NR5A2: variants seen among roughly 807,000 people sequenced by gnomAD.
NR5A2 encodes the protein nuclear receptor subfamily 5 group A member 2.
A neutral mutation model predicts 62.7 loss-of-function variants in NR5A2; 26 were observed. The ratio of observed to expected loss-of-function variants is 0.41; its 90% CI spans 0.30 to 0.58. The LOEUF (loss-of-function observed/expected upper bound fraction) is 0.58. Among genes scored for constraint, NR5A2 ranks in the 20% least tolerant of loss-of-function variants. NR5A2 has a pLI of 0.22. For synonymous variants in NR5A2, 246 were observed against 241.7 expected (o/e 1.02, Z -0.16); for missense variants, 541 against 669.1 (o/e 0.81, Z 2.11).
chr1:200,092,873 C>CTTT lies in NR5A2; in HGVS notation c.1111-18303_1111-18301dup, dbSNP rs869028679. On this transcript the variant is annotated intron_variant, in intron 5 of 7. Coordinates refer to ENST00000367362, the MANE Select transcript of NR5A2 (RefSeq NM_205860.3). ...ACATTGATATTACTAAAAGACAGGTCTTTTTTTTTTTTTTTTTTTTTTTTT... is the reference window on the plus strand; with the variant it reads ...ACATTGATATTACTAAAAGACAGGTCTTTTTTTTTTTTTTTTTTTTTTTTTTTT... Among the ~76,000 whole-genome samples the CTTT allele has an allele frequency of 1.2e-3, 79 of 64,246 alleles. 9 individuals are homozygous for CTTT. In the East Asian group the frequency reaches 0.015, roughly 12 times the overall value. 42.1% of individuals were successfully genotyped at this position (64,246 alleles called of 152,430 possible). A position where few individuals can be genotyped will look rare whatever the true frequency, so the allele number is the denominator to read the frequency against.
chr1:200,057,149 A>C (rs903470258), intron 5 of NR5A2, among the ~76,000 whole-genome samples: 1 of 152,250 alleles, frequency 6.6e-6, no homozygotes, highest in African/African-American at 2.4e-5. Flanking sequence ...CTTTTCAGTA[A>C]TACAAGTCCT....
chr1:200,060,140 C>A (rs1180799538), intron 5 of NR5A2, among the ~76,000 whole-genome samples: 1 of 152,184 alleles, frequency 6.6e-6, no homozygotes, highest in African/African-American at 2.4e-5. Flanking sequence ...CTCTCTCCTC[C>A]TTGTCCACTT....
intron 5 of NR5A2, among the ~76,000 whole-genome samples, chr1:200,086,856 T>C (rs1015536110): frequency 6.6e-6 from 1 of 152,044 alleles, no homozygotes; most frequent in Non-Finnish European, 1.5e-5. Context: ...CTGACCTACA[T>C]GGTGAAACCC....
intron 6 of NR5A2, among the ~76,000 whole-genome samples, chr1:200,118,413 C>T (rs948550861): frequency 6.6e-6 from 1 of 152,118 alleles, no homozygotes; most frequent in Non-Finnish European, 1.5e-5. Flanking sequence ...TAATCTTGTC[C>T]CATCTATGAT....
chr1:200,059,303 C>T (rs10919803), intron 5 of NR5A2, among the ~76,000 whole-genome samples: 19,485 of 152,066 alleles, frequency 0.13, 1,381 homozygotes, highest in Middle Eastern at 0.22. Flanking sequence ...CAGTGAGGTC[C>T]TCCCCAGCTT....
intron 5 of NR5A2, among the ~76,000 whole-genome samples, chr1:200,084,222 G>A (rs929831014): frequency 5.9e-5 from 9 of 152,020 alleles, no homozygotes; most frequent in African/African-American, 2.2e-4. Flanking sequence ...TTGCACTCAT[G>A]TAATTAAAAA....
rs192984584 is a variant in NR5A2, at chr1:200,117,870, C to T, written c.1231-2938C>T. On this transcript the variant is annotated intron_variant, in intron 6 of 7. Coordinates refer to ENST00000367362, the MANE Select transcript of NR5A2 (RefSeq NM_205860.3). Reference sequence around the variant, plus strand: ...CTGGGATTACAGGCACTTGCCACCACGCCTGGCTAATTTTTGTACTTTTAG... The same window carrying T: ...CTGGGATTACAGGCACTTGCCACCATGCCTGGCTAATTTTTGTACTTTTAG... Among the ~76,000 whole-genome samples the T allele has an allele frequency of 2.7e-3, 417 of 152,050 alleles. 3 individuals carry two copies. Among genetic ancestry groups the T allele is most frequent in the Non-Finnish European group, 4.6e-3 (316 of 67,974 alleles).
chr1:200,123,163 T>G (rs1291953679), intron 7 of NR5A2, among the ~76,000 whole-genome samples: 4 of 152,160 alleles, frequency 2.6e-5, no homozygotes, highest in Admixed American at 1.3e-4. Context: ...AGCCCAGCCT[T>G]GAGACTCTTT....
intron 5 of NR5A2, among the ~76,000 whole-genome samples, chr1:200,091,382 T>C (rs1664804916): frequency 3.3e-5 from 5 of 151,984 alleles, no homozygotes; most frequent in Admixed American, 3.3e-4. Context: ...TCAGGGGGTT[T>C]AGTTATTTGC....
intron 5 of NR5A2, among the ~76,000 whole-genome samples, chr1:200,100,693 G>A (rs2102272693): frequency 6.6e-6 from 1 of 152,320 alleles, no homozygotes; most frequent in East Asian, 1.9e-4. Flanking sequence ...CTCTCTGTGA[G>A]GCTAAATATT....
chr1:200,081,909 C>T (rs2737656), intron 5 of NR5A2, among the ~76,000 whole-genome samples: 72,923 of 151,518 alleles, frequency 0.48, 17,562 homozygotes, highest in Middle Eastern at 0.52. Context: ...AAAAAAAACA[C>T]CACTCATTAG....
At chr1:200,110,613 C>T (rs1302364001) in intron 5 of NR5A2, among the ~76,000 whole-genome samples, 1 of 152,172 alleles carries the variant, frequency 6.6e-6, no homozygotes, top group Non-Finnish European at 1.5e-5. Flanking sequence ...TTAGCACCGA[C>T]ATCATGCTTG....
intron 7 of NR5A2, among the ~76,000 whole-genome samples, chr1:200,171,297 C>T (rs2737629): frequency 0.43 from 65,426 of 151,624 alleles, 14,540 homozygotes; most frequent in African/African-American, 0.55. Context: ...GGATAATTAA[C>T]TCAGGCATGT....
rs73067998 is a variant in NR5A2 at position 200,047,107 on chromosome 1, C to G, written c.464-1065C>G. On this transcript the variant is annotated intron_variant, in intron 4 of 7. Coordinates refer to ENST00000367362, the MANE Select transcript of NR5A2 (RefSeq NM_205860.3). ...TCCAGCAAGTTCAATATGTCACAAG[C>G]TATCAGAGGTCTCTAGTTTCTGTCT... Among the ~76,000 whole-genome samples, 1,082 of 152,306 alleles carry G rather than the reference C, an allele frequency of 7.1e-3. 15 individuals carry two copies. Among genetic ancestry groups the G allele is most frequent in the African/African-American group, 0.024 (990 of 41,570 alleles).
intron 7 of NR5A2, 126 bp from the exon 8 acceptor site, chr1:200,173,837 C>G: frequency 2.0e-6 from 2 of 986,796 alleles, no homozygotes; most frequent in Non-Finnish European, 2.8e-6. Context: ...ACTGAATATT[C>G]AGCAGCATGT....
intron 5 of NR5A2, among the ~76,000 whole-genome samples, chr1:200,110,609 C>T (rs1005454478): frequency 1.3e-5 from 2 of 152,180 alleles, no homozygotes; most frequent in Non-Finnish European, 1.5e-5. Flanking sequence ...CCAGTTAGCA[C>T]CGACATCATG....
intron 5 of NR5A2, among the ~76,000 whole-genome samples, chr1:200,089,314 A>G (rs1664700011): frequency 6.6e-6 from 1 of 151,842 alleles, no homozygotes; most frequent in Non-Finnish European, 1.5e-5. Context: ...TCCTGAGTTC[A>G]AGAGATTCTC....
At chr1:200,056,475 C>A (rs1189044764) in intron 5 of NR5A2, among the ~76,000 whole-genome samples, 1 of 152,166 alleles carries the variant, frequency 6.6e-6, no homozygotes, top group Non-Finnish European at 1.5e-5. Context: ...TCTCTTGTGT[C>A]CCTTTGTAAT....
chr1:200,172,521 T>A (rs562259266), intron 7 of NR5A2, among the ~76,000 whole-genome samples: 1 of 152,230 alleles, frequency 6.6e-6, no homozygotes, highest in Non-Finnish European at 1.5e-5. Flanking sequence ...GAAAGAGATA[T>A]GGTACCAACT....
Sources: allele counts gnomAD v4.1 joint callset (sites outside exome capture counted in the v4.1 genomes callset), GRCh38; gene constraint gnomAD v4.1.1; transcripts MANE v1.5; gene names NCBI Gene and HGNC (gene_info 2026-07-23, HGNC 2026-07-21).